GNG4: variants seen among roughly 807,000 people sequenced by gnomAD.
GNG4 encodes the protein G protein subunit gamma 4, also known as guanine nucleotide-binding protein G(I)/G(S)/G(O) subunit gamma-4.
Under a neutral mutation model 5.8 loss-of-function variants are expected in GNG4, and 4 were observed. The ratio of observed to expected loss-of-function variants is 0.69; its 90% CI spans 0.34 to 1.57. The LOEUF (loss-of-function observed/expected upper bound fraction) is 1.57. Ranked by LOEUF, GNG4 falls within the 40% of genes most tolerant of loss-of-function variation. The probability of loss-of-function intolerance (pLI) is 0.06; values close to 1 mark genes in which losing one functional copy is unlikely to be tolerated. For synonymous variants in GNG4, 29 were observed against 32.9 expected (o/e 0.88, Z 0.41); for missense variants, 96 against 95.1 (o/e 1.01, Z -0.04).
chr1:235,629,017 TTTTG>T (rs1209897478), intron 1 of GNG4, among the ~76,000 whole-genome samples: 3 of 150,326 alleles, frequency 2.0e-5, no homozygotes, highest in South Asian at 2.1e-4. Flanking sequence ...TTTTTTGCTT[TTTTG>T]TTTGTTTGTT....
intron 3 of GNG4, among the ~76,000 whole-genome samples, chr1:235,582,914 G>A (rs1687672285): frequency 1.3e-5 from 2 of 152,184 alleles, no homozygotes; most frequent in Non-Finnish European, 2.9e-5. Flanking sequence ...GTGCTTTCTA[G>A]CCATACACTA....
At chr1:235,566,978 G>A (rs1216067247) in intron 3 of GNG4, 2 of 151,982 alleles carry the variant, frequency 1.3e-5, no homozygotes, top group Admixed American at 6.6e-5. Flanking sequence ...GTCTTGCTCT[G>A]TTGCCCTGGC....
chr1:235,633,250 C>G (rs1156242896), intron 1 of GNG4, among the ~76,000 whole-genome samples: 1 of 152,118 alleles, frequency 6.6e-6, no homozygotes, highest in Non-Finnish European at 1.5e-5. Context: ...AGCAGCAGAG[C>G]TGGTGGTATG....
chr1:235,638,387 G>C (rs781588825), intron 1 of GNG4, among the ~76,000 whole-genome samples: 3 of 152,156 alleles, frequency 2.0e-5, no homozygotes, highest in Non-Finnish European at 4.4e-5. Context: ...AAGGTGCCAG[G>C]AGGGCTGTGG....
At chr1:235,596,211 C>CAT (rs1425981737) in intron 1 of GNG4, among the ~76,000 whole-genome samples, 2 of 72,846 alleles carry the variant, frequency 2.7e-5, no homozygotes, top group Non-Finnish European at 4.4e-5. Flanking sequence ...AAACAAAATA[C>CAT]ACACACACAC....
intron 1 of GNG4, among the ~76,000 whole-genome samples, chr1:235,599,425 T>C (rs1688203584): frequency 6.6e-6 from 1 of 151,286 alleles, no homozygotes; most frequent in Non-Finnish European, 1.5e-5. Flanking sequence ...CAAGCGAGTC[T>C]CCTGCCTCAG....
intron 1 of GNG4, among the ~76,000 whole-genome samples, chr1:235,638,540 A>C (rs1657203959): frequency 6.6e-6 from 1 of 151,412 alleles, no homozygotes; most frequent in Non-Finnish European, 1.5e-5. Context: ...CAGAACGTGC[A>C]GGTGTGTTAC....
intron 3 of GNG4, among the ~76,000 whole-genome samples, chr1:235,567,647 C>G (rs1026044782): frequency 2.6e-5 from 4 of 152,070 alleles, no homozygotes; most frequent in Non-Finnish European, 4.4e-5. Flanking sequence ...AGTTTCCTTC[C>G]TGTTTAAGGC....
At position 235,597,270 on chromosome 1, in the gene GNG4, C is replaced by T. The variant is rs115717413; in HGVS notation, c.-122-1759G>A. Among the ~76,000 whole-genome samples the T allele has an allele frequency of 6.8e-3, 1,039 of 152,312 alleles. 11 individuals are homozygous for T. The highest frequency in any genetic ancestry group is 0.022 in the African/African-American group (904 of 41,566). ...GCCCGACAAGAATAAGCTGACAGAC[C>T]TGTTTGCTCCCCTGGCTAAAATGGA... On this transcript the variant is annotated intron_variant, in intron 1 of 3. Transcript: ENST00000391854.
intron 3 of GNG4, among the ~76,000 whole-genome samples, chr1:235,572,968 A>G (rs1043474334): frequency 1.3e-5 from 2 of 152,186 alleles, no homozygotes; most frequent in African/African-American, 2.4e-5. Flanking sequence ...TGAAAATTTT[A>G]TCTACCAGTA....
chr1:235,572,292 C>T (rs753615656), intron 3 of GNG4, among the ~76,000 whole-genome samples: 23 of 151,322 alleles, frequency 1.5e-4, no homozygotes, highest in Middle Eastern at 3.6e-3. Context: ...CTCTGCCTCC[C>T]GGGTTCAAGC....
intron 1 of GNG4, among the ~76,000 whole-genome samples, chr1:235,605,131 A>G (rs1334059251): frequency 6.6e-6 from 1 of 152,150 alleles, no homozygotes; most frequent in Non-Finnish European, 1.5e-5. Flanking sequence ...CATTAAACAC[A>G]TACTATGTCA....
Position 235,552,246 on chromosome 1 carries a change from GCA to G in GNG4, c.100-11_100-10del. 10 of 1,613,222 alleles carry G rather than the reference GCA, an allele frequency of 6.2e-6. No homozygotes were observed. The highest frequency in any genetic ancestry group is 2.7e-5 in the African/African-American group (2 of 75,038). ...GCAGCTGCCTGGGAGACCTGTGAGG[GCA>G]CAGAGCACAGGTGCTCAGTTAAAGG... On this transcript the variant is annotated splice_polypyrimidine_tract_variant and intron_variant, in intron 3 of 3. Coordinates refer to ENST00000391854, the MANE Select transcript of GNG4 (RefSeq NM_001098722.2).
At chr1:235,610,679 T>C (rs780373821) in intron 1 of GNG4, among the ~76,000 whole-genome samples, 6 of 152,240 alleles carry the variant, frequency 3.9e-5, no homozygotes, top group Non-Finnish European at 8.8e-5. Context: ...CTGACTTTCC[T>C]ACCATTGCCT....
At chr1:235,597,911 T>C (rs2102958683) in intron 1 of GNG4, among the ~76,000 whole-genome samples, 1 of 152,184 alleles carries the variant, frequency 6.6e-6, no homozygotes, top group Non-Finnish European at 1.5e-5. Context: ...GGTGAACCAC[T>C]GCACCCGGAG....
chr1:235,638,501 ATTTTAC>A (rs1180292053), intron 1 of GNG4, among the ~76,000 whole-genome samples: 3 of 145,582 alleles, frequency 2.1e-5, no homozygotes, highest in Non-Finnish European at 4.5e-5. Flanking sequence ...TTTTTTTAAC[ATTTTAC>A]TTTAAGTTCT....
intron 1 of GNG4, among the ~76,000 whole-genome samples, chr1:235,639,847 T>C (rs1657265751): frequency 6.6e-6 from 1 of 152,194 alleles, no homozygotes; most frequent in Non-Finnish European, 1.5e-5. Context: ...CACTGGATTG[T>C]AAATGCCTCA....
chr1:235,598,482 G>A (rs570432404), intron 1 of GNG4, among the ~76,000 whole-genome samples: 12 of 152,172 alleles, frequency 7.9e-5, no homozygotes, highest in South Asian at 6.2e-4. Context: ...GGTGGCACAC[G>A]CCTGTGATCC....
chr1:235,576,629 T>C (rs1331845294), intron 3 of GNG4, among the ~76,000 whole-genome samples: 1 of 152,080 alleles, frequency 6.6e-6, no homozygotes, highest in African/African-American at 2.4e-5. Flanking sequence ...CTGATAAGAG[T>C]TTGCAAAGAA....
Sources: gnomAD v4.1 joint callset for allele counts (sites outside exome capture counted in the v4.1 genomes callset) on GRCh38, gnomAD v4.1.1 for gene constraint, MANE v1.5 for transcripts, NCBI Gene and HGNC (gene_info 2026-07-23, HGNC 2026-07-21) for gene names.